Variants in MRE11 observed in about 807,000 individuals in gnomAD.
The protein encoded by MRE11 is MRE11 double strand break repair nuclease.
A neutral mutation model predicts 91.7 loss-of-function variants in MRE11; 62 were observed. The observed-to-expected ratio is 0.68, with a 90% CI of 0.55 to 0.84. The LOEUF (loss-of-function observed/expected upper bound fraction) is 0.84, where lower values mean the gene tolerates loss of function less well. Ranked by LOEUF, MRE11 falls within the 40% of genes least tolerant of loss-of-function variation. The pLI is 0.00. For synonymous variants in MRE11, 273 were observed against 271.4 expected, an observed-to-expected ratio of 1.01 and a Z score of -0.06; for missense variants, 796 against 852.9, an observed-to-expected ratio of 0.93 and a Z score of 0.83.
chr11:94,470,747 A>T, intron 8 of MRE11, 105 bp from the exon 9 acceptor site: 1 of 1,107,430 alleles, frequency 9.0e-7, no homozygotes, highest in Non-Finnish European at 1.3e-6. Flanking sequence ...GCTTCTTTAT[A>T]AAATCATACT....
intron 2 of MRE11, 134 bp from the exon 3 acceptor site, chr11:94,491,099 T>C (rs769824338): frequency 1.6e-6 from 1 of 635,900 alleles, no homozygotes; most frequent in Non-Finnish European, 2.7e-6. Context: ...TTAGAGTTCA[T>C]CTGAAAATCT....
intron 18 of MRE11, 127 bp from the exon 19 acceptor site, chr11:94,430,113 T>C: frequency 1.1e-6 from 1 of 911,186 alleles, no homozygotes; most frequent in Non-Finnish European, 1.8e-6. Context: ...CCTTAAAATC[T>C]ACATTAGCGG....
intron 15 of MRE11, 144 bp downstream of exon 15, chr11:94,447,075 T>G: frequency 1.2e-6 from 1 of 863,802 alleles, no homozygotes. Context: ...CCTTAAAGAC[T>G]GTCTTTATAT....
At chr11:94,485,549 C>G (rs966620014) in intron 4 of MRE11, among the ~76,000 whole-genome samples, 1 of 149,888 alleles carries the variant, frequency 6.7e-6, no homozygotes, top group South Asian at 2.1e-4. Flanking sequence ...AGGATACGAA[C>G]AGGAGAGGAT....
At chr11:94,439,687 G>T (rs1945721520) in intron 16 of MRE11, among the ~76,000 whole-genome samples, 1 of 152,186 alleles carries the variant, frequency 6.6e-6, no homozygotes, top group African/African-American at 2.4e-5. Flanking sequence ...GACACTGCCT[G>T]ATACTTCACA....
At chr11:94,467,774 G>C in intron 10 of MRE11, 39 bp downstream of exon 10, 2 of 1,516,946 alleles carry the variant, frequency 1.3e-6, no homozygotes, top group Admixed American at 1.7e-5. Flanking sequence ...ACTATGCTTT[G>C]AAAATTAATA....
At position 94,465,381 on chromosome 11, in the gene MRE11, ATCTC is replaced by A. The variant is rs200726071; in HGVS notation, c.1099-1146_1099-1143del. 7.8e-3 allele frequency among the ~76,000 whole-genome samples: 1,122 copies of A among 144,394 alleles called. 14 individuals are homozygous for A. The highest frequency in any genetic ancestry group is 0.027 in the African/African-American group (1,063 of 38,822). 94.7% of individuals were successfully genotyped at this position (144,394 alleles called of 152,430 possible). A position where few individuals can be genotyped will look rare whatever the true frequency, so the allele number is the denominator to read the frequency against. On this transcript the variant is annotated intron_variant, in intron 10 of 19. Transcript: ENST00000323929. The stretch of plus-strand genomic sequence containing the variant: ...TAATTATTTTTGTATTACCCAGACC[ATCTC>A]TCTCTCTCTCTTTTTTTTTTTTTTT...
chr11:94,467,739 A>G, intron 10 of MRE11, 74 bp downstream of exon 10: 1 of 1,354,308 alleles, frequency 7.4e-7, no homozygotes, highest in Non-Finnish European at 1.1e-6. Flanking sequence ...ACTACTTTTC[A>G]AAGAAACCAT....
Position 94,485,956 on chromosome 11 carries a change from G to C in MRE11, c.282C>G (p.Leu94=). Reference sequence around the variant, plus strand: ...AACCAAAGTTGACTGACTGATCACTGAGAATTTCAAACTGGACAGGCCGAT... The same window carrying C: ...AACCAAAGTTGACTGACTGATCACTCAGAATTTCAAACTGGACAGGCCGAT... ...MGDRPVQFEI[L]SDQSVNFGFS... is the part of the protein sequence containing the mutation. Residue 94 remains leucine, a synonymous_variant, in exon 4 of 20, where the codon CTC becomes CTG. Coordinates refer to ENST00000323929, the MANE Select transcript of MRE11 (RefSeq NM_005591.4). The C allele has an allele frequency of 1.2e-6, 2 of 1,613,350 alleles. No homozygotes were observed. Among genetic ancestry groups the C allele is most frequent in the Non-Finnish European group, 8.5e-7 (1 of 1,179,924 alleles).
rs1307323084 is a variant in MRE11 at position 94,459,638 on chromosome 11, A to G, written c.1327-57T>C. 1.3e-5 allele frequency: 20 copies of G among 1,554,038 alleles called. No homozygotes were observed. The Admixed American group carries it at 3.1e-4, about 24-fold the overall frequency. ...AGTTTTTATTCCTTACAAAATAATT[A>G]TAGATGAGCAAGGAAAATTACCAAA... On this transcript the variant is annotated intron_variant, in intron 12 of 19. Coordinates refer to ENST00000323929, the MANE Select transcript of MRE11 (RefSeq NM_005591.4).
At chr11:94,445,397 G>C (rs1945897135) in intron 16 of MRE11, among the ~76,000 whole-genome samples, 1 of 152,174 alleles carries the variant, frequency 6.6e-6, no homozygotes, top group Admixed American at 6.5e-5. Flanking sequence ...GCAACCTCCA[G>C]TTCCTGGGTT....
chr11:94,479,842 C>T (rs1428600325), intron 4 of MRE11, 81 bp from the exon 5 acceptor site: 7 of 1,061,352 alleles, frequency 6.6e-6, no homozygotes, highest in Non-Finnish European at 9.9e-6. Flanking sequence ...AATATTAATG[C>T]AATCATAGGC....
At chr11:94,474,881 C>CA (rs1366836419) in intron 7 of MRE11, among the ~76,000 whole-genome samples, 2 of 151,820 alleles carry the variant, frequency 1.3e-5, no homozygotes, top group Non-Finnish European at 2.9e-5. Context: ...TGGCATAGTA[C>CA]AAAAAAATGG....
intron 14 of MRE11, among the ~76,000 whole-genome samples, chr11:94,454,541 T>A (rs1355459657): frequency 6.6e-6 from 1 of 152,158 alleles, no homozygotes; most frequent in Non-Finnish European, 1.5e-5. Context: ...ACCTAAGTTC[T>A]AAATAGTATG....
At chr11:94,435,739 C>T (rs1945588492) in intron 18 of MRE11, 93 bp downstream of exon 18, 1 of 1,089,948 alleles carries the variant, frequency 9.2e-7, no homozygotes, top group Admixed American at 1.7e-5. Flanking sequence ...GTCTGTTAAA[C>T]TTACATGGCA....
intron 19 of MRE11, among the ~76,000 whole-genome samples, chr11:94,421,730 T>C (rs1211114683): frequency 2.6e-5 from 4 of 152,146 alleles, no homozygotes; most frequent in Non-Finnish European, 2.9e-5. Context: ...AAGCTAAAAA[T>C]GAAAGGTGTA....
At chr11:94,467,232 T>C (rs1946586895) in intron 10 of MRE11, among the ~76,000 whole-genome samples, 1 of 152,214 alleles carries the variant, frequency 6.6e-6, no homozygotes, top group African/African-American at 2.4e-5. Flanking sequence ...AAGTCTGTTG[T>C]TGTTTCTTTG....
intron 11 of MRE11, among the ~76,000 whole-genome samples, chr11:94,462,827 C>G (rs1053358563): frequency 2.0e-5 from 3 of 152,176 alleles, no homozygotes; most frequent in Admixed American, 6.5e-5. Context: ...CACAAAAACC[C>G]TAGAAGAAAA....
chr11:94,448,096 C>T lies in MRE11; in HGVS notation c.1564-658G>A, dbSNP rs1289055341. On this transcript the variant is annotated intron_variant, in intron 14 of 19. Transcript: ENST00000323929. ...CATCATTTGAGCTACTTTTTAGAAT[C>T]GGCTCCTAGGAAATAATAAGAAAAA... is the stretch of plus-strand genomic sequence containing the variant. Among the ~76,000 whole-genome samples, 12 of 152,054 alleles carry T rather than the reference C, an allele frequency of 7.9e-5. 1 individual carries two copies. Among genetic ancestry groups the T allele is most frequent in the African/African-American group, 1.4e-4 (6 of 41,420 alleles).
Sources: allele counts gnomAD v4.1 joint callset (sites outside exome capture counted in the v4.1 genomes callset), GRCh38; gene constraint gnomAD v4.1.1; transcripts MANE v1.5; gene names NCBI Gene and HGNC (gene_info 2026-07-23, HGNC 2026-07-21).